CSMD1: variants seen among roughly 807,000 people sequenced by gnomAD.
CSMD1 encodes CUB and Sushi multiple domains 1, also known as CUB and sushi domain-containing protein 1.
CSMD1 carries 213 observed loss-of-function variants against 417.5 expected under a neutral mutation model. The observed-to-expected ratio is 0.51, with a 90% CI of 0.46 to 0.57. The LOEUF is 0.57. CSMD1 is among the 20% of genes least tolerant of loss of function. The pLI, the probability that CSMD1 is intolerant of heterozygous loss-of-function variation, is 0.00. For synonymous variants in CSMD1, 2,862 were observed against 1,736.8 expected (o/e 1.65, Z -16.11); for missense variants, 6,923 against 4,529.7 (o/e 1.53, Z -15.17).
At chr8:4,036,696 T>C (rs1169613832) in intron 3 of CSMD1, among the ~76,000 whole-genome samples, 1 of 152,268 alleles carries the variant, frequency 6.6e-6, no homozygotes, top group East Asian at 1.9e-4. Flanking sequence ...TTTCTCATTG[T>C]ATCTGACGTA....
chr8:4,322,968 G>A (rs964134630), intron 3 of CSMD1, among the ~76,000 whole-genome samples: 2 of 152,326 alleles, frequency 1.3e-5, no homozygotes, highest in African/African-American at 4.8e-5. Context: ...CTGGGTGACA[G>A]AGCGAGACTC....
intron 2 of CSMD1, among the ~76,000 whole-genome samples, chr8:4,548,054 T>C (rs1797707812): frequency 1.3e-5 from 2 of 152,156 alleles, no homozygotes; most frequent in African/African-American, 4.8e-5. Context: ...ACCCTTGCAA[T>C]ATATTAAATA....
chr8:4,397,125 C>T (rs926388201), intron 3 of CSMD1, among the ~76,000 whole-genome samples: 4 of 152,088 alleles, frequency 2.6e-5, no homozygotes, highest in African/African-American at 9.7e-5. Context: ...CATCTGCACG[C>T]CATCACATGG....
At chr8:4,177,228 G>T (rs577687229) in intron 3 of CSMD1, among the ~76,000 whole-genome samples, 2 of 152,072 alleles carry the variant, frequency 1.3e-5, no homozygotes, top group African/African-American at 4.8e-5. Flanking sequence ...ATAACAAACT[G>T]TCTCTCACAC....
At chr8:3,035,492 C>A (rs1461240501) in intron 50 of CSMD1, among the ~76,000 whole-genome samples, 1 of 152,136 alleles carries the variant, frequency 6.6e-6, no homozygotes, top group Non-Finnish European at 1.5e-5. Flanking sequence ...TTTCCCTGAA[C>A]ACTAGAAACA....
chr8:3,835,130 C>G (rs1035231296), intron 5 of CSMD1, among the ~76,000 whole-genome samples: 3 of 147,144 alleles, frequency 2.0e-5, no homozygotes, highest in Non-Finnish European at 3.0e-5. Flanking sequence ...GGACTGTAAA[C>G]TAGTCCAACC....
intron 2 of CSMD1, among the ~76,000 whole-genome samples, chr8:4,609,965 G>C (rs975220533): frequency 2.0e-5 from 3 of 151,892 alleles, no homozygotes; most frequent in African/African-American, 4.8e-5. Flanking sequence ...CTACCTAATT[G>C]GTAATTCCTT....
chr8:4,745,493 C>G lies in CSMD1; in HGVS notation c.86-107935G>C, dbSNP rs1370256321. On this transcript the variant is annotated intron_variant, in intron 1 of 69. Transcript: ENST00000635120. ...AACACTGTGGTATCATATATTCTTTCTTAGAGTAACTTAACATTTTAAGAA... is the reference window on the plus strand; with the variant it reads ...AACACTGTGGTATCATATATTCTTTGTTAGAGTAACTTAACATTTTAAGAA... 3.3e-5 allele frequency among the ~76,000 whole-genome samples: 5 copies of G among 152,236 alleles called. No homozygotes were observed. In the South Asian group the frequency reaches 6.2e-4, roughly 19 times the overall value.
chr8:3,168,629 C>T (rs888300752), intron 37 of CSMD1, among the ~76,000 whole-genome samples: 1 of 102,944 alleles, frequency 9.7e-6, no homozygotes, highest in African/African-American at 4.4e-5. Context: ...AGTAAGTCTT[C>T]ATCACACACA....
At chr8:4,337,131 G>T (rs548370583) in intron 3 of CSMD1, among the ~76,000 whole-genome samples, 1 of 152,092 alleles carries the variant, frequency 6.6e-6, no homozygotes. Flanking sequence ...ATTTAAGTGG[G>T]ATCTTCTGCC....
chr8:4,734,383 T>A (rs555588827), intron 1 of CSMD1, among the ~76,000 whole-genome samples: 5 of 152,128 alleles, frequency 3.3e-5, no homozygotes, highest in African/African-American at 9.7e-5. Context: ...GTTCTATGCA[T>A]GTTTGTGCAA....
rs191690648 is a variant in CSMD1, at chr8:3,421,046, G to C, written c.1562-11441C>G. On this transcript the variant is annotated intron_variant, in intron 12 of 69. Coordinates refer to ENST00000635120, the MANE Select transcript of CSMD1 (RefSeq NM_033225.6). ...AGCTGTGTAAAGTTTTACTGTGGTG[G>C]TGGTCATTTTATTACAATAACTGAA... 7.2e-4 allele frequency among the ~76,000 whole-genome samples: 109 copies of C among 152,292 alleles called. 1 individual carries two copies. The highest frequency in any genetic ancestry group is 1.1e-3 in the Non-Finnish European group (75 of 68,022).
intron 3 of CSMD1, among the ~76,000 whole-genome samples, chr8:4,062,601 T>G (rs575529808): frequency 6.6e-6 from 1 of 152,200 alleles, no homozygotes; most frequent in Non-Finnish European, 1.5e-5. Flanking sequence ...GTCCCAGATC[T>G]GATCTTAAAG....
At chr8:4,774,566 C>T (rs1266443639) in intron 1 of CSMD1, among the ~76,000 whole-genome samples, 1 of 152,088 alleles carries the variant, frequency 6.6e-6, no homozygotes, top group African/African-American at 2.4e-5. Flanking sequence ...TCTGATAATA[C>T]AGAATTAATA....
chr8:3,721,967 C>T (rs1260006560), intron 6 of CSMD1, among the ~76,000 whole-genome samples: 2 of 152,158 alleles, frequency 1.3e-5, no homozygotes, highest in African/African-American at 4.8e-5. Flanking sequence ...CATCCCTCAC[C>T]TCCTGCTGTC....
rs369072440 is a variant in CSMD1, at chr8:3,599,285, G to C, written c.1098-13025C>G. ...TGTATCCACCTCCTCATGTGGCTAC[G>C]TGTGTATGTGTGGGTGCTGAGAACA... is the stretch of plus-strand genomic sequence containing the variant. On this transcript the variant is annotated intron_variant, in intron 8 of 69. Transcript: ENST00000635120. Among the ~76,000 whole-genome samples, 227 of 152,164 alleles carry C rather than the reference G, an allele frequency of 1.5e-3. 1 individual carries two copies. Among genetic ancestry groups the C allele is most frequent in the African/African-American group, 5.1e-3 (211 of 41,498 alleles).
intron 5 of CSMD1, among the ~76,000 whole-genome samples, chr8:3,867,284 T>C (rs1805170361): frequency 2.0e-5 from 3 of 152,156 alleles, no homozygotes; most frequent in Admixed American, 2.0e-4. Context: ...ATATCTTGAA[T>C]ATAAGGAAAA....
At chr8:3,861,670 G>C (rs1804718656) in intron 5 of CSMD1, among the ~76,000 whole-genome samples, 2 of 152,158 alleles carry the variant, frequency 1.3e-5, no homozygotes, top group Non-Finnish European at 2.9e-5. Flanking sequence ...TGTTATTGGA[G>C]GTCCAGAGAA....
At chr8:3,533,524 T>C (rs1234708258) in intron 10 of CSMD1, among the ~76,000 whole-genome samples, 1 of 152,152 alleles carries the variant, frequency 6.6e-6, no homozygotes, top group African/African-American at 2.4e-5. Context: ...CATCATGTGA[T>C]TCAAAGACAT....
Sources: allele counts gnomAD v4.1 joint callset (sites outside exome capture counted in the v4.1 genomes callset), GRCh38; gene constraint gnomAD v4.1.1; transcripts MANE v1.5; gene names NCBI Gene and HGNC (gene_info 2026-07-23, HGNC 2026-07-21).